SEC11A: variants seen among roughly 807,000 people sequenced by gnomAD.
SEC11A encodes signal peptidase complex catalytic subunit SEC11A.
SEC11A carries 14 observed loss-of-function variants against 25.6 expected under a neutral mutation model. The observed-to-expected ratio is 0.55, with a 90% CI of 0.36 to 0.85. The LOEUF (loss-of-function observed/expected upper bound fraction) is 0.85, where lower values mean the gene tolerates loss of function less well. Ranked by LOEUF, SEC11A falls within the 40% of genes least tolerant of loss-of-function variation. The pLI, the probability that SEC11A is intolerant of heterozygous loss-of-function variation, is 0.01. For synonymous variants in SEC11A, 83 were observed against 76.4 expected (o/e 1.09, Z -0.45); for missense variants, 153 against 222.9 (o/e 0.69, Z 2.00).
intron 1 of SEC11A, among the ~76,000 whole-genome samples, chr15:84,698,823 T>C (rs1200393310): frequency 6.6e-6 from 1 of 152,174 alleles, no homozygotes; most frequent in African/African-American, 2.4e-5. Context: ...TATTTCAGAT[T>C]TGGGATGTTC....
chr15:84,682,734 C>T (rs933122162), intron 3 of SEC11A, among the ~76,000 whole-genome samples: 19 of 152,114 alleles, frequency 1.2e-4, no homozygotes, highest in African/African-American at 4.1e-4. Flanking sequence ...CAGGCGTGAG[C>T]CACCGTGCCC....
chr15:84,673,325 G>T lies in SEC11A; in HGVS notation c.432-2543C>A, dbSNP rs529959078. On this transcript the variant is annotated intron_variant, in intron 4 of 5. Transcript: ENST00000268220. ...GTGGAATAGAAAGGGCGGAAAGGTGGGGAAAAGATTGAGAAATCGGATGGT... is the reference window on the plus strand; with the variant it reads ...GTGGAATAGAAAGGGCGGAAAGGTGTGGAAAAGATTGAGAAATCGGATGGT... The T allele has an allele frequency of 1.6e-5, 3 of 192,710 alleles. No homozygotes were observed. The South Asian group carries it at 2.5e-4, about 16-fold the overall frequency. The allele number at this position is 192,710 out of a possible 1,614,324, so 11.9% of individuals were successfully genotyped here.
At chr15:84,673,061 C>G in intron 4 of SEC11A, 1 of 177,520 alleles carries the variant, frequency 5.6e-6, no homozygotes, top group Non-Finnish European at 1.2e-5. Flanking sequence ...GGAGCCCCTC[C>G]GTCCGGCAGC....
At chr15:84,707,129 T>C (rs1005684710) in intron 1 of SEC11A, among the ~76,000 whole-genome samples, 2 of 151,506 alleles carry the variant, frequency 1.3e-5, no homozygotes, top group African/African-American at 4.8e-5. Flanking sequence ...TCTGGGTCTC[T>C]AACCCACTTT....
chr15:84,706,874 A>G (rs978768121), intron 1 of SEC11A, among the ~76,000 whole-genome samples: 3 of 152,334 alleles, frequency 2.0e-5, no homozygotes, highest in East Asian at 1.9e-4. Context: ...AGTAGCTGCA[A>G]TTACGCAGAA....
intron 1 of SEC11A, among the ~76,000 whole-genome samples, chr15:84,712,346 C>T (rs1330685639): frequency 6.6e-6 from 1 of 152,046 alleles, no homozygotes; most frequent in Non-Finnish European, 1.5e-5. Flanking sequence ...TGTGGAGCAA[C>T]AGGAACTCTC....
rs1447337656 is a variant in SEC11A at position 84,716,059 on chromosome 15, A to G, written c.17T>C (p.Phe6Ser). MLSLD[F>S]LDDVRRMNKR... ...GTTCATCCGCCGCACATCGTCCAAA[A>G]AGTCTAGAGACAGCATGGCGGGGAC... is the stretch of plus-strand genomic sequence containing the variant. The change falls in exon 1 of 6, where the codon TTT (phenylalanine) becomes TCT (serine). Residue 6 changes from phenylalanine (F) to serine (S), a missense_variant. Physicochemically the swap from Phe to Ser is radical, Grantham distance 155. Transcript: ENST00000268220. 6.2e-7 allele frequency: 1 copy of G among 1,613,854 alleles called. No individual in the cohort carries two copies. Among genetic ancestry groups the G allele is most frequent in the Non-Finnish European group, 8.5e-7 (1 of 1,179,834 alleles).
chr15:84,688,677 T>C (rs1444514647), intron 2 of SEC11A, among the ~76,000 whole-genome samples: 5 of 152,114 alleles, frequency 3.3e-5, no homozygotes, highest in Non-Finnish European at 7.4e-5. Flanking sequence ...TCCCTCTATG[T>C]AAAGGGATAT....
intron 4 of SEC11A, among the ~76,000 whole-genome samples, chr15:84,674,355 A>G (rs930389099): frequency 6.6e-6 from 1 of 152,130 alleles, no homozygotes; most frequent in Admixed American, 6.6e-5. Context: ...CCTCACAGTA[A>G]AGTACAGATT....
chr15:84,691,470 C>G, intron 2 of SEC11A, 65 bp downstream of exon 2: 1 of 880,064 alleles, frequency 1.1e-6, no homozygotes, highest in Non-Finnish European at 1.9e-6. Context: ...CCAGTTATTT[C>G]ATATCTCAAT....
At chr15:84,671,500 T>TCC (rs1896981979) in intron 4 of SEC11A, 1 of 152,192 alleles carries the variant, frequency 6.6e-6, no homozygotes, top group Non-Finnish European at 1.5e-5. Context: ...TCTTTCTAAT[T>TCC]CCTCATGCCC....
intron 4 of SEC11A, 31 bp from the exon 5 acceptor site, chr15:84,670,813 A>G: frequency 1.8e-6 from 2 of 1,103,114 alleles, no homozygotes; most frequent in Non-Finnish European, 2.6e-6. Context: ...ATTATCACAG[A>G]ATTTCCGATG....
chr15:84,706,946 G>C (rs1898112112), intron 1 of SEC11A, among the ~76,000 whole-genome samples: 1 of 152,152 alleles, frequency 6.6e-6, no homozygotes, highest in Non-Finnish European at 1.5e-5. Context: ...CAGCTCTTCT[G>C]GCTGACTCAG....
At chr15:84,677,876 A>C (rs76839504) in intron 4 of SEC11A, among the ~76,000 whole-genome samples, 2,339 of 152,256 alleles carry the variant, frequency 0.015, 69 homozygotes, top group African/African-American at 0.053. Flanking sequence ...CAGAGTGAGC[A>C]GACAGAGCTG....
intron 1 of SEC11A, among the ~76,000 whole-genome samples, chr15:84,695,463 CA>C (rs1256181529): frequency 1.6e-3 from 191 of 118,514 alleles, no homozygotes; most frequent in Middle Eastern, 8.1e-3. Context: ...AACTCCGTCT[CA>C]AAAAAAAAAA....
intron 4 of SEC11A, among the ~76,000 whole-genome samples, chr15:84,675,686 C>A (rs1399156876): frequency 6.6e-6 from 1 of 152,172 alleles, no homozygotes; most frequent in Non-Finnish European, 1.5e-5. Flanking sequence ...CGATCCTCTG[C>A]CAATCTTTCA....
intron 1 of SEC11A, among the ~76,000 whole-genome samples, chr15:84,699,316 C>CA (rs35351608): frequency 0.081 from 7,195 of 88,764 alleles, 315 homozygotes; most frequent in African/African-American, 0.12. Flanking sequence ...CTCTTGTCTC[C>CA]AAAAAAAAAA....
intron 1 of SEC11A, among the ~76,000 whole-genome samples, chr15:84,703,527 C>A (rs1898009684): frequency 6.6e-6 from 1 of 152,152 alleles, no homozygotes; most frequent in South Asian, 2.1e-4. Flanking sequence ...CAACATAAAC[C>A]CTCTAGCACT....
chr15:84,675,838 T>G (rs1897118759), intron 4 of SEC11A, among the ~76,000 whole-genome samples: 1 of 152,224 alleles, frequency 6.6e-6, no homozygotes, highest in South Asian at 2.1e-4. Context: ...TTGTTTTTAT[T>G]ACATGCTACG....
Sources: gnomAD v4.1 joint callset for allele counts (sites outside exome capture counted in the v4.1 genomes callset) on GRCh38, gnomAD v4.1.1 for gene constraint, MANE v1.5 for transcripts, NCBI Gene and HGNC (gene_info 2026-07-23, HGNC 2026-07-21) for gene names.